Variants in GRIN2A observed in about 807,000 individuals in gnomAD.
GRIN2A encodes the protein glutamate ionotropic receptor NMDA type subunit 2A.
Under a neutral mutation model 113.4 loss-of-function variants are expected in GRIN2A, and 22 were observed. That is an observed-to-expected ratio of 0.19 (90% confidence interval 0.14 to 0.28). The LOEUF (loss-of-function observed/expected upper bound fraction) is 0.28, where lower values mean the gene tolerates loss of function less well. Ranked by LOEUF, GRIN2A falls within the 10% of genes least tolerant of loss-of-function variation. GRIN2A has a pLI of 1.00. For synonymous variants in GRIN2A, 827 were observed against 738.4 expected (o/e 1.12, Z -1.94); for missense variants, 1,502 against 1,887.0 (o/e 0.80, Z 3.78).
At chr16:10,163,528 G>A (rs922806481) in intron 2 of GRIN2A, among the ~76,000 whole-genome samples, 1 of 152,148 alleles carries the variant, frequency 6.6e-6, no homozygotes, top group Non-Finnish European at 1.5e-5. Flanking sequence ...CACTGGTGCA[G>A]CAGAACTGGT....
chr16:10,131,471 A>ATTTT (rs34673023), intron 2 of GRIN2A, among the ~76,000 whole-genome samples: 1 of 144,310 alleles, frequency 6.9e-6, no homozygotes. Flanking sequence ...CACTTATCCC[A>ATTTT]TTTTTTTTTT....
chr16:10,048,477 C>T (rs1211849216), intron 2 of GRIN2A, among the ~76,000 whole-genome samples: 2 of 152,150 alleles, frequency 1.3e-5, no homozygotes, highest in African/African-American at 2.4e-5. Flanking sequence ...AAGGATAATT[C>T]CAGACTTTGT....
chr16:10,051,298 A>T (rs534560358), intron 2 of GRIN2A, among the ~76,000 whole-genome samples: 20 of 152,290 alleles, frequency 1.3e-4, no homozygotes, highest in Middle Eastern at 3.4e-3. Context: ...AACTGCAGTC[A>T]GTTGTAAAAG....
At chr16:10,109,509 A>T (rs1467762714) in intron 2 of GRIN2A, among the ~76,000 whole-genome samples, 1 of 152,152 alleles carries the variant, frequency 6.6e-6, no homozygotes, top group Non-Finnish European at 1.5e-5. Context: ...TACATGCAAA[A>T]GTGCCCCACA....
intron 2 of GRIN2A, among the ~76,000 whole-genome samples, chr16:10,148,926 T>C (rs2049504015): frequency 6.6e-6 from 1 of 152,194 alleles, no homozygotes; most frequent in Non-Finnish European, 1.5e-5. Context: ...ACAACATGGA[T>C]AGAACTGGAA....
intron 2 of GRIN2A, among the ~76,000 whole-genome samples, chr16:10,154,809 G>A (rs1017122990): frequency 6.6e-6 from 1 of 152,126 alleles, no homozygotes; most frequent in African/African-American, 2.4e-5. Context: ...ACAGACAAGT[G>A]CCAGAAAATG....
intron 3 of GRIN2A, among the ~76,000 whole-genome samples, chr16:9,914,953 A>G (rs1184955830): frequency 1.6e-5 from 1 of 60,992 alleles, no homozygotes; most frequent in South Asian, 7.1e-4. Flanking sequence ...TTTTTTTTTA[A>G]TGAGACGGAA....
In GRIN2A at chr16:9,758,789, T is replaced by A. The variant is rs916520305; in HGVS notation, c.*4360A>T. The A allele has an allele frequency of 2.3e-5, 5 of 213,470 alleles. No homozygotes were observed. The highest frequency in any genetic ancestry group is 1.1e-4 in the African/African-American group (5 of 44,288). The allele number at this position is 213,470 out of a possible 1,614,324, so 13.2% of individuals were successfully genotyped here. On this transcript the variant is annotated 3_prime_UTR_variant, in exon 13 of 13. Transcript: ENST00000330684. ...ACAGTAACTGCATATTGGGAGAACT[T>A]TTCAAGTATAGACCCCACAGCACTT...
chr16:9,910,887 C>A (rs1359786583), intron 3 of GRIN2A, among the ~76,000 whole-genome samples: 3 of 151,954 alleles, frequency 2.0e-5, no homozygotes, highest in Non-Finnish European at 4.4e-5. Context: ...TTCTACAATA[C>A]CTCTGGCAGA....
intron 2 of GRIN2A, among the ~76,000 whole-genome samples, chr16:10,096,898 A>G (rs2048304840): frequency 6.6e-6 from 1 of 152,134 alleles, no homozygotes; most frequent in African/African-American, 2.4e-5. Context: ...CTAAGAACCA[A>G]TGTGGAATTA....
intron 2 of GRIN2A, among the ~76,000 whole-genome samples, chr16:10,050,817 C>T (rs2047346405): frequency 6.6e-6 from 1 of 152,110 alleles, no homozygotes; most frequent in African/African-American, 2.4e-5. Context: ...GACAGTGAAT[C>T]ATAATCTGAG....
intron 3 of GRIN2A, among the ~76,000 whole-genome samples, chr16:9,919,286 A>T (rs2044314424): frequency 3.3e-5 from 5 of 152,178 alleles, no homozygotes; most frequent in Admixed American, 2.6e-4. Context: ...GTTCTTCCTC[A>T]TGTATAAATT....
intron 5 of GRIN2A, among the ~76,000 whole-genome samples, chr16:9,841,955 T>G (rs2042687563): frequency 1.3e-5 from 2 of 152,096 alleles, no homozygotes; most frequent in South Asian, 4.2e-4. Flanking sequence ...GAAAAATACC[T>G]TTAAAAAGAA....
chr16:9,778,337 CAAAT>C (rs1327094493), intron 11 of GRIN2A, among the ~76,000 whole-genome samples: 4 of 152,154 alleles, frequency 2.6e-5, no homozygotes, highest in Admixed American at 2.0e-4. Flanking sequence ...CTGCCTCACA[CAAAT>C]AAAGACGGTC....
chr16:10,175,557 T>C (rs2050125638), intron 2 of GRIN2A, among the ~76,000 whole-genome samples: 1 of 152,218 alleles, frequency 6.6e-6, no homozygotes, highest in African/African-American at 2.4e-5. Flanking sequence ...TGCTCTACAA[T>C]GAAAAGGCAT....
intron 2 of GRIN2A, among the ~76,000 whole-genome samples, chr16:9,962,159 C>T (rs1596366123): frequency 6.6e-6 from 1 of 152,272 alleles, no homozygotes; most frequent in African/African-American, 2.4e-5. Context: ...GATAAAAACC[C>T]TAGAAGAAAA....
chr16:9,966,330 T>C (rs1380169789), intron 2 of GRIN2A, among the ~76,000 whole-genome samples: 2 of 152,180 alleles, frequency 1.3e-5, no homozygotes, highest in Non-Finnish European at 2.9e-5. Context: ...CCATGTGTTC[T>C]CATCATTTAG....
At chr16:9,974,533 G>T (rs980804513) in intron 2 of GRIN2A, among the ~76,000 whole-genome samples, 1 of 152,184 alleles carries the variant, frequency 6.6e-6, no homozygotes, top group African/African-American at 2.4e-5. Flanking sequence ...GACAGGAATT[G>T]CTCAGTCGGG....
At chr16:10,031,203 A>G (rs774924477) in intron 2 of GRIN2A, 1 of 152,148 alleles carries the variant, frequency 6.6e-6, no homozygotes, top group African/African-American at 2.4e-5. Flanking sequence ...GCCTCTTTTA[A>G]TCCTTCTCTG....
Sources: allele counts gnomAD v4.1 joint callset (sites outside exome capture counted in the v4.1 genomes callset), GRCh38; gene constraint gnomAD v4.1.1; transcripts MANE v1.5; gene names NCBI Gene and HGNC (gene_info 2026-07-23, HGNC 2026-07-21).